LINGO2: variants seen among roughly 807,000 people sequenced by gnomAD.
The protein encoded by LINGO2 is leucine rich repeat and Ig domain containing 2.
LINGO2 carries 14 observed loss-of-function variants against 30.6 expected under a neutral mutation model. The ratio of observed to expected loss-of-function variants is 0.46; its 90% confidence interval spans 0.30 to 0.72. LINGO2 has a LOEUF of 0.72. Ranked by LOEUF, LINGO2 falls within the 30% of genes least tolerant of loss-of-function variation. The probability of loss-of-function intolerance (pLI) is 0.07; values close to 1 mark genes in which losing one functional copy is unlikely to be tolerated. For missense variants in LINGO2, 729 were observed against 751.7 expected (o/e 0.97, Z 0.35); for synonymous variants, 317 against 288.5 (o/e 1.10, Z -1.00).
the LINGO2 span, among the ~76,000 whole-genome samples, chr9:29,055,936 G>GTATATATATATATACACACATATA: frequency 6.5e-4 from 79 of 121,940 alleles, 3 homozygotes; most frequent in African/African-American, 2.3e-3. Context: ...GTGTATGTGT[G>GTATATATATATATACACACATATA]TGTGTATATA....
chr9:28,111,612 C>T (rs1227275446), intron 4 of LINGO2, among the ~76,000 whole-genome samples: 1 of 151,942 alleles, frequency 6.6e-6, no homozygotes, highest in East Asian at 1.9e-4. Flanking sequence ...TTCATTCCTT[C>T]AACAAAAATG....
At chr9:28,632,555 A>G (rs1349512650) in intron 1 of LINGO2, among the ~76,000 whole-genome samples, 1 of 147,880 alleles carries the variant, frequency 6.8e-6, no homozygotes, top group Non-Finnish European at 1.5e-5. Context: ...CTCAATATAT[A>G]ATATATATCT....
chr9:28,848,393 G>GTATATA, the LINGO2 span, among the ~76,000 whole-genome samples: 95 of 67,152 alleles, frequency 1.4e-3, 1 homozygote, highest in Middle Eastern at 0.012. Flanking sequence ...GTGTGTGTGT[G>GTATATA]TGTGTATATA....
At chr9:28,737,495 C>G in the LINGO2 span, among the ~76,000 whole-genome samples, 104 of 152,132 alleles carry the variant, frequency 6.8e-4, no homozygotes, top group Middle Eastern at 3.4e-3. Context: ...CTTTGTGATC[C>G]CCATTTTACA....
intron 4 of LINGO2, among the ~76,000 whole-genome samples, chr9:28,064,895 C>G (rs1232779788): frequency 6.6e-6 from 1 of 151,730 alleles, no homozygotes; most frequent in African/African-American, 2.4e-5. Flanking sequence ...CCCTATAGAC[C>G]TAAACCATAG....
intron 5 of LINGO2, among the ~76,000 whole-genome samples, chr9:28,001,005 A>G (rs16912230): frequency 0.016 from 2,419 of 152,348 alleles, 52 homozygotes; most frequent in African/African-American, 0.055. Context: ...ATTTTCGACT[A>G]ATTGATTACT....
the LINGO2 span, among the ~76,000 whole-genome samples, chr9:28,842,941 GA>G: frequency 6.7e-4 from 102 of 151,916 alleles, 2 homozygotes; most frequent in African/African-American, 2.4e-3. Context: ...ATTTTTCTCA[GA>G]AATGTGACAA....
At chr9:28,629,975 A>G (rs2135869770) in intron 1 of LINGO2, among the ~76,000 whole-genome samples, 1 of 143,246 alleles carries the variant, frequency 7.0e-6, no homozygotes, top group African/African-American at 2.6e-5. Flanking sequence ...TCCTGTGTCC[A>G]TGTGATCTCA....
chr9:28,749,337 C>T, the LINGO2 span, among the ~76,000 whole-genome samples: 1 of 151,974 alleles, frequency 6.6e-6, no homozygotes, highest in South Asian at 2.1e-4. Context: ...TTCCCCCATG[C>T]CTTCTTCTGA....
At position 28,262,896 on chromosome 9, in the gene LINGO2, A is replaced by G. The variant is rs561035781; in HGVS notation, c.-87+32312T>C. 7.9e-5 allele frequency among the ~76,000 whole-genome samples: 12 copies of G among 152,130 alleles called. No individual in the cohort carries two copies. The South Asian group carries it at 2.5e-3, about 31-fold the overall frequency. On this transcript the variant is annotated intron_variant, in intron 4 of 5. Coordinates refer to ENST00000379992, the Ensembl canonical transcript of LINGO2. Reference sequence around the variant, plus strand: ...TAAGCCTTGATAAAGCAAATGGTAGACTAACTGTATTGACTGTGTAACAAG... The same window carrying G: ...TAAGCCTTGATAAAGCAAATGGTAGGCTAACTGTATTGACTGTGTAACAAG...
At chr9:28,506,782 G>A (rs868442287) in intron 1 of LINGO2, among the ~76,000 whole-genome samples, 1 of 151,664 alleles carries the variant, frequency 6.6e-6, no homozygotes, top group Non-Finnish European at 1.5e-5. Flanking sequence ...ATTGCCAGGT[G>A]TTTATGCTAT....
At chr9:28,965,197 G>C in the LINGO2 span, among the ~76,000 whole-genome samples, 3 of 151,916 alleles carry the variant, frequency 2.0e-5, no homozygotes, top group African/African-American at 7.2e-5. Flanking sequence ...AATTCAAGAG[G>C]TAACTTAAAA....
chr9:28,863,381 A>C, the LINGO2 span, among the ~76,000 whole-genome samples: 2 of 152,144 alleles, frequency 1.3e-5, no homozygotes, highest in Non-Finnish European at 2.9e-5. Flanking sequence ...TCAAAAAAAG[A>C]ACAGTAGAGA....
intron 4 of LINGO2, among the ~76,000 whole-genome samples, chr9:28,241,453 C>T (rs1447990277): frequency 3.3e-5 from 5 of 152,022 alleles, no homozygotes; most frequent in Non-Finnish European, 7.4e-5. Context: ...GACTAGGCGG[C>T]AGGTATGACC....
the LINGO2 span, among the ~76,000 whole-genome samples, chr9:28,904,594 A>G: frequency 2.0e-5 from 3 of 152,048 alleles, no homozygotes; most frequent in African/African-American, 7.2e-5. Context: ...CAAAAGAACA[A>G]TCCTATTTAA....
chr9:28,073,583 G>A (rs746300817), intron 4 of LINGO2, among the ~76,000 whole-genome samples: 16 of 152,116 alleles, frequency 1.1e-4, no homozygotes, highest in Non-Finnish European at 1.8e-4. Flanking sequence ...ATTCTTGTTC[G>A]TTTACAGAGA....
At chr9:28,915,037 C>A in the LINGO2 span, among the ~76,000 whole-genome samples, 1 of 152,084 alleles carries the variant, frequency 6.6e-6, no homozygotes, top group African/African-American at 2.4e-5. Context: ...GAGGCTGAGG[C>A]AGGAGAATTG....
At chr9:28,958,973 G>C in the LINGO2 span, among the ~76,000 whole-genome samples, 1 of 152,160 alleles carries the variant, frequency 6.6e-6, no homozygotes, top group African/African-American at 2.4e-5. Context: ...TGTTCAACAG[G>C]ATCACTCAGA....
At chr9:28,944,058 A>C in the LINGO2 span, among the ~76,000 whole-genome samples, 1 of 152,216 alleles carries the variant, frequency 6.6e-6, no homozygotes, top group Non-Finnish European at 1.5e-5. Flanking sequence ...TCATCACAGA[A>C]GGAGTCCTGG....
Sources: gnomAD v4.1 joint callset for allele counts (sites outside exome capture counted in the v4.1 genomes callset) on GRCh38, gnomAD v4.1.1 for gene constraint, MANE v1.5 for transcripts, NCBI Gene and HGNC (gene_info 2026-07-23, HGNC 2026-07-21) for gene names.